The following CCDC88A variants were observed in gnomAD, a reference collection of about 807,000 sequenced individuals.
The protein encoded by CCDC88A is girdin.
A neutral mutation model predicts 234.3 loss-of-function variants in CCDC88A; 54 were observed. The observed-to-expected ratio is 0.23, with a 90% CI of 0.19 to 0.29. The LOEUF (loss-of-function observed/expected upper bound fraction) is 0.29, where lower values mean the gene tolerates loss of function less well. CCDC88A is among the 10% of genes least tolerant of loss of function. The probability of loss-of-function intolerance (pLI) is 1.00; values close to 1 mark genes in which losing one functional copy is unlikely to be tolerated. For missense variants in CCDC88A, 1,832 were observed against 2,123.4 expected, an observed-to-expected ratio of 0.86 and a Z score of 2.70; for synonymous variants, 753 against 737.8, an observed-to-expected ratio of 1.02 and a Z score of -0.33.
Position 55,301,950 on chromosome 2 carries a change from A to G in CCDC88A, c.4594T>C (p.Phe1532Leu), listed in dbSNP as rs150857657. ...KRRKELGAMA[F>L]STTAINFSTV... ...GAAAAGTTGATGGCTGTAGTAGAGA[A>G]GGCCATAGCTCCCAATTCTTTTCTC... The change falls in exon 27 of 33, where the codon TTC becomes CTC. Residue 1532 changes from phenylalanine (F) to leucine (L), a missense_variant. This residue lies in a region of CCDC88A where 422 missense variants were observed against 416.5 expected (regional missense o/e 1.01). Coordinates refer to ENST00000436346, the MANE Select transcript of CCDC88A (RefSeq NM_001365480.1). 4.3e-6 allele frequency: 7 copies of G among 1,614,028 alleles called. No individual in the cohort carries two copies. In the African/African-American group the frequency reaches 9.3e-5, roughly 22 times the overall value.
Position 55,344,517 on chromosome 2 carries a change from A to G in CCDC88A, c.1042-3T>C. On this transcript the variant is annotated splice_polypyrimidine_tract_variant and splice_region_variant and intron_variant, in intron 10 of 32. Transcript: ENST00000436346. ...ACTTGATTGTCTTCTTTTAATTCCT[A>G]TAAATGTTTATCACAAATGTGTTAA... The G allele has an allele frequency of 6.8e-7, 1 of 1,464,016 alleles. No homozygotes were observed. Among genetic ancestry groups the G allele is most frequent in the Non-Finnish European group, 9.3e-7 (1 of 1,076,186 alleles). 90.7% of individuals were successfully genotyped at this position (1,464,016 alleles called of 1,614,324 possible).
intron 5 of CCDC88A, among the ~76,000 whole-genome samples, chr2:55,364,461 C>A (rs1326472313): frequency 6.6e-6 from 1 of 152,046 alleles, no homozygotes; most frequent in Non-Finnish European, 1.5e-5. Flanking sequence ...AACAACACAG[C>A]CTTTCTTCTT....
chr2:55,374,510 T>G (rs894064532), intron 4 of CCDC88A, among the ~76,000 whole-genome samples: 1 of 152,228 alleles, frequency 6.6e-6, no homozygotes, highest in Non-Finnish European at 1.5e-5. Flanking sequence ...TAATATTCTT[T>G]TAAGTTTGTA....
At chr2:55,385,859 A>G (rs1442690718) in intron 3 of CCDC88A, among the ~76,000 whole-genome samples, 2 of 135,656 alleles carry the variant, frequency 1.5e-5, no homozygotes, top group Non-Finnish European at 3.0e-5. Context: ...TGTCAAAAAA[A>G]AAAAAAAAAA....
At chr2:55,409,726 C>T (rs1165766287) in intron 2 of CCDC88A, among the ~76,000 whole-genome samples, 1 of 131,666 alleles carries the variant, frequency 7.6e-6, no homozygotes, top group Non-Finnish European at 1.6e-5. Flanking sequence ...GGGGATGTGC[C>T]TATATACCTC....
chr2:55,320,752 A>C (rs1683518662), intron 18 of CCDC88A: 1 of 152,324 alleles, frequency 6.6e-6, no homozygotes, highest in East Asian at 1.9e-4. Flanking sequence ...AAATTAAAGC[A>C]CTAGGTACTA....
intron 15 of CCDC88A, among the ~76,000 whole-genome samples, chr2:55,333,093 G>A (rs1294039747): frequency 2.0e-5 from 3 of 152,146 alleles, no homozygotes; most frequent in Non-Finnish European, 4.4e-5. Context: ...GAGGCCCTAT[G>A]ATACTGATCT....
At chr2:55,372,864 G>A (rs1257622171) in intron 4 of CCDC88A, among the ~76,000 whole-genome samples, 1 of 152,132 alleles carries the variant, frequency 6.6e-6, no homozygotes, top group Non-Finnish European at 1.5e-5. Context: ...TGCCACAAAG[G>A]TAGCCAAAAT....
Position 55,369,844 on chromosome 2 carries a change from C to T in CCDC88A, c.402+2608G>A, listed in dbSNP as rs77955697. On this transcript the variant is annotated intron_variant, in intron 5 of 32. Transcript: ENST00000436346. The stretch of plus-strand genomic sequence containing the variant: ...AACTTAAGAAAATACTTCTTCAATG[C>T]ACCAATGTATATTACATTACGGTAA... 2.9e-3 allele frequency among the ~76,000 whole-genome samples: 449 copies of T among 152,260 alleles called. 3 individuals are homozygous for T. The highest frequency in any genetic ancestry group is 9.1e-3 in the African/African-American group (378 of 41,552).
rs1462688964 is a variant in CCDC88A at position 55,401,494 on chromosome 2, GTATACATA to G, written c.165-12616_165-12609del. Reference sequence around the variant, plus strand: ...TATGTGTGTGTATGTATGTGTGTGTGTATACATATATATATATATATATATATATATAT... The same window carrying G: ...TATGTGTGTGTATGTATGTGTGTGTGTATATATATATATATATATATATAT... On this transcript the variant is annotated intron_variant, in intron 2 of 32. Transcript: ENST00000436346. 1.1e-3 allele frequency among the ~76,000 whole-genome samples: 8 copies of G among 7,472 alleles called. 1 individual carries two copies. The highest frequency in any genetic ancestry group is 3.2e-3 in the African/African-American group (7 of 2,222). 4.9% of individuals were successfully genotyped at this position (7,472 alleles called of 152,430 possible).
In CCDC88A at chr2:55,317,236, T is replaced by C. The variant is rs1293398839; in HGVS notation, c.3716A>G (p.Glu1239Gly). 1 of 1,540,004 alleles carries C rather than the reference T, an allele frequency of 6.5e-7. No homozygotes were observed. The highest frequency in any genetic ancestry group is 8.8e-7 in the Non-Finnish European group (1 of 1,139,128). Residue 1239 changes from glutamate (E) to glycine (G), a missense_variant, in exon 21 of 33, where the codon GAA (glutamate) becomes GGA (glycine). Around this residue, in one of 6 missense-constraint regions of CCDC88A, gnomAD observed 1,282 missense variants for 1,543.6 expected, o/e 0.83. Coordinates refer to ENST00000436346, the MANE Select transcript of CCDC88A (RefSeq NM_001365480.1). The surrounding 1 kb of genome is among the most constrained non-coding windows in gnomAD (Gnocchi z 4.2). ...ATTTTCACCACAAAGTTTCTTGTAT[T>C]CTGCAGCTACTGTTTCATGATTTTT... Reference protein sequence around the residue: ...ENKNHETVAAEYKKLCGENDR... With the variant: ...ENKNHETVAAGYKKLCGENDR...
chr2:55,376,470 G>A lies in CCDC88A; in HGVS notation c.274-1587C>T, dbSNP rs548308330. Among the ~76,000 whole-genome samples, 8 of 152,180 alleles carry A rather than the reference G, an allele frequency of 5.3e-5. No homozygotes were observed. The South Asian group carries it at 1.7e-3, about 32-fold the overall frequency. ...AAAATTTCTAATTTTAGATCCACTA[G>A]AGCACTTACCCATGGTCAGTGGGTG... On this transcript the variant is annotated intron_variant, in intron 3 of 32. Transcript: ENST00000436346.
intron 2 of CCDC88A, among the ~76,000 whole-genome samples, chr2:55,416,439 AATAAAT>A (rs1478532955): frequency 7.8e-5 from 2 of 25,586 alleles, no homozygotes; most frequent in African/African-American, 1.2e-4. Context: ...TAAATAAATA[AATAAAT>A]ATATATATAT....
At chr2:55,373,297 G>C in intron 4 of CCDC88A, among the ~76,000 whole-genome samples, 1 of 151,986 alleles carries the variant, frequency 6.6e-6, no homozygotes, top group East Asian at 1.9e-4. Context: ...TCCCAAATAT[G>C]CATATATACA....
chr2:55,343,404 T>C (rs1668734688), intron 12 of CCDC88A, among the ~76,000 whole-genome samples: 1 of 152,106 alleles, frequency 6.6e-6, no homozygotes, highest in Admixed American at 6.5e-5. Flanking sequence ...GATATTAACA[T>C]GAAATAGTGG....
At chr2:55,414,428 A>T (rs1270039887) in intron 2 of CCDC88A, among the ~76,000 whole-genome samples, 1 of 152,260 alleles carries the variant, frequency 6.6e-6, no homozygotes, top group Non-Finnish European at 1.5e-5. Context: ...TGAAGTAGGA[A>T]AATGCCCTAC....
intron 10 of CCDC88A, among the ~76,000 whole-genome samples, chr2:55,344,957 T>G (rs1668919009): frequency 6.6e-6 from 1 of 152,130 alleles, no homozygotes; most frequent in Admixed American, 6.5e-5. Flanking sequence ...AAACCAGAAC[T>G]CACATAAATC....
At chr2:55,291,482 T>C (rs961150896) in intron 32 of CCDC88A, 194 bp downstream of exon 32, 5 of 368,638 alleles carry the variant, frequency 1.4e-5, no homozygotes, top group African/African-American at 2.1e-5. Context: ...AAAAAATACT[T>C]GTTCCTTGCG....
At chr2:55,411,572 A>G (rs1211623452) in intron 2 of CCDC88A, among the ~76,000 whole-genome samples, 1 of 151,782 alleles carries the variant, frequency 6.6e-6, no homozygotes, top group Non-Finnish European at 1.5e-5. Context: ...TGAGGTCAGG[A>G]GTTCGAAACC....
Sources: allele counts gnomAD v4.1 joint callset (sites outside exome capture counted in the v4.1 genomes callset), GRCh38; gene constraint gnomAD v4.1.1; regional missense constraint gnomAD v4.1.1; non-coding constraint Gnocchi (gnomAD v3.1); transcripts MANE v1.5; gene names NCBI Gene and HGNC (gene_info 2026-07-23, HGNC 2026-07-21).